The following ANKS1B variants were observed in gnomAD, a reference collection of about 807,000 sequenced individuals.
The protein encoded by ANKS1B is ankyrin repeat and sterile alpha motif domain-containing protein 1B.
In ANKS1B, 36 loss-of-function variants were observed where a neutral mutation model predicts 148.3. That is an observed-to-expected ratio of 0.24 (90% confidence interval 0.19 to 0.32). The LOEUF (loss-of-function observed/expected upper bound fraction) is 0.32. Ranked by LOEUF, ANKS1B falls within the 10% of genes least tolerant of loss-of-function variation. ANKS1B has a pLI of 1.00. For synonymous variants in ANKS1B, 542 were observed against 560.8 expected (o/e 0.97, Z 0.47); for missense variants, 1,157 against 1,542.6 (o/e 0.75, Z 4.19).
chr12:99,786,272 C>G (rs575368374), intron 4 of ANKS1B, among the ~76,000 whole-genome samples: 1 of 152,044 alleles, frequency 6.6e-6, no homozygotes, highest in African/African-American at 2.4e-5. Flanking sequence ...TAGGGAAAGG[C>G]GAGGACAGAA....
At chr12:98,880,845 C>G (rs189799119) in intron 17 of ANKS1B, among the ~76,000 whole-genome samples, 1 of 151,928 alleles carries the variant, frequency 6.6e-6, no homozygotes, top group Non-Finnish European at 1.5e-5. Context: ...TCCTAAAAAG[C>G]TTTGTATAAA....
At chr12:99,894,381 C>T (rs1000211271) in intron 1 of ANKS1B, among the ~76,000 whole-genome samples, 13 of 150,544 alleles carry the variant, frequency 8.6e-5, no homozygotes, top group African/African-American at 1.7e-4. Flanking sequence ...TGGTAGTGCA[C>T]GCCTGTAGTC....
At chr12:99,486,912 T>C (rs2064727598) in intron 10 of ANKS1B, among the ~76,000 whole-genome samples, 1 of 152,154 alleles carries the variant, frequency 6.6e-6, no homozygotes, top group Non-Finnish European at 1.5e-5. Context: ...CCTGACATGT[T>C]TCAGAAAGGC....
intron 2 of ANKS1B, among the ~76,000 whole-genome samples, chr12:99,823,208 T>C (rs1381062262): frequency 6.6e-6 from 1 of 152,208 alleles, no homozygotes; most frequent in African/African-American, 2.4e-5. Flanking sequence ...GGTAGATGCA[T>C]AGTTTATGAA....
chr12:99,539,076 G>A (rs1596582183), intron 9 of ANKS1B, among the ~76,000 whole-genome samples: 1 of 151,874 alleles, frequency 6.6e-6, no homozygotes, highest in South Asian at 2.1e-4. Context: ...TGCATCCCAG[G>A]GATAAATTTC....
At chr12:99,703,815 C>T (rs1470428872) in intron 8 of ANKS1B, among the ~76,000 whole-genome samples, 1 of 152,078 alleles carries the variant, frequency 6.6e-6, no homozygotes, top group Admixed American at 6.6e-5. Flanking sequence ...CAAAGCCTGG[C>T]ATAATGGCAG....
chr12:98,821,179 T>C (rs928664372), intron 19 of ANKS1B, among the ~76,000 whole-genome samples: 4 of 152,194 alleles, frequency 2.6e-5, no homozygotes, highest in African/African-American at 9.7e-5. Context: ...ATGGGATTTT[T>C]CACCATGATC....
chr12:99,974,261 G>A (rs181126841), intron 1 of ANKS1B, among the ~76,000 whole-genome samples: 36 of 152,264 alleles, frequency 2.4e-4, no homozygotes, highest in African/African-American at 7.9e-4. Context: ...ATATAAGGAT[G>A]TTGCACACTT....
At chr12:98,997,404 ATTT>A (rs34655015) in intron 17 of ANKS1B, among the ~76,000 whole-genome samples, 202 of 138,288 alleles carry the variant, frequency 1.5e-3, no homozygotes, top group African/African-American at 4.8e-3. Flanking sequence ...AGTGTTTGCA[ATTT>A]TTTTTTTTTT....
At chr12:99,304,542 T>C (rs756642602) in intron 12 of ANKS1B, among the ~76,000 whole-genome samples, 2 of 152,132 alleles carry the variant, frequency 1.3e-5, no homozygotes, top group Non-Finnish European at 2.9e-5. Flanking sequence ...CATTTATTTG[T>C]GACAATGTTG....
At position 99,925,878 on chromosome 12, in the gene ANKS1B, T is replaced by G. The variant is rs768086577; in HGVS notation, c.134+58226A>C. On this transcript the variant is annotated intron_variant, in intron 1 of 26. Coordinates refer to ENST00000683438, the MANE Select transcript of ANKS1B (RefSeq NM_001352186.2). Reference sequence around the variant, plus strand: ...GCTTAATTTTTCATATACTGAAACATTACCCATCTAACATTTGAACAGATT... The same window carrying G: ...GCTTAATTTTTCATATACTGAAACAGTACCCATCTAACATTTGAACAGATT... 5.9e-5 allele frequency among the ~76,000 whole-genome samples: 9 copies of G among 152,326 alleles called. No homozygotes were observed. The South Asian group carries it at 8.3e-4, about 14-fold the overall frequency.
At position 99,697,672 on chromosome 12, in the gene ANKS1B, T is replaced by A. The variant is rs190220209; in HGVS notation, c.1129-42462A>T. 8.9e-3 allele frequency among the ~76,000 whole-genome samples: 1,362 copies of A among 152,226 alleles called. 8 individuals are homozygous for A. The highest frequency in any genetic ancestry group is 0.031 in the Middle Eastern group (9 of 294). ...TTACTGTAACTGTGGCTACATGACATTATGGATTTGTCAAGAGCCACAGAA... is the reference window on the plus strand; with the variant it reads ...TTACTGTAACTGTGGCTACATGACAATATGGATTTGTCAAGAGCCACAGAA... On this transcript the variant is annotated intron_variant, in intron 8 of 26. Coordinates refer to ENST00000683438, the MANE Select transcript of ANKS1B (RefSeq NM_001352186.2).
chr12:99,950,305 T>C (rs1048937279), intron 1 of ANKS1B, among the ~76,000 whole-genome samples: 6 of 151,926 alleles, frequency 3.9e-5, no homozygotes, highest in East Asian at 1.9e-4. Flanking sequence ...ATATTAAGCT[T>C]ATTTGGATAT....
chr12:98,980,341 C>CA (rs769712964), intron 17 of ANKS1B, among the ~76,000 whole-genome samples: 2 of 152,190 alleles, frequency 1.3e-5, no homozygotes, highest in Non-Finnish European at 2.9e-5. Flanking sequence ...GCTGGGACTA[C>CA]AGGCACCCGC....
chr12:99,770,045 C>A (rs2063044067), intron 8 of ANKS1B, among the ~76,000 whole-genome samples: 1 of 152,166 alleles, frequency 6.6e-6, no homozygotes, highest in Admixed American at 6.5e-5. Context: ...TTAAAAATTC[C>A]TTTGGCCACA....
intron 5 of ANKS1B, among the ~76,000 whole-genome samples, chr12:99,781,663 G>A (rs2064342486): frequency 6.6e-6 from 1 of 152,126 alleles, no homozygotes; most frequent in Non-Finnish European, 1.5e-5. Context: ...AAACTATTAT[G>A]TTCTTCAATA....
rs564002125 is a variant in ANKS1B, at chr12:98,953,312, C to T, written c.2778+99845G>A. On this transcript the variant is annotated intron_variant, in intron 17 of 26. Transcript: ENST00000683438. ...CTGGGACTACAGGTGTGAGCCACTG[C>T]GCTAGGCCTAATTTTTAAATTTTTG... Among the ~76,000 whole-genome samples the T allele has an allele frequency of 3.0e-3, 463 of 151,838 alleles. 3 individuals are homozygous for T. The highest frequency in any genetic ancestry group is 0.011 in the African/African-American group (441 of 41,400).
At chr12:99,171,085 T>C (rs1382736667) in intron 14 of ANKS1B, among the ~76,000 whole-genome samples, 1 of 152,342 alleles carries the variant, frequency 6.6e-6, no homozygotes, top group Non-Finnish European at 1.5e-5. Flanking sequence ...TTCTGTCTTT[T>C]ACATCTTGTG....
chr12:99,769,011 G>GT (rs2062945398), intron 8 of ANKS1B, among the ~76,000 whole-genome samples: 1 of 118,564 alleles, frequency 8.4e-6, no homozygotes, highest in African/African-American at 3.2e-5. Context: ...AGAAATAAAT[G>GT]CTTTTTTTTT....
Sources: allele counts gnomAD v4.1 joint callset (sites outside exome capture counted in the v4.1 genomes callset), GRCh38; gene constraint gnomAD v4.1.1; transcripts MANE v1.5; gene names NCBI Gene and HGNC (gene_info 2026-07-23, HGNC 2026-07-21).